The following ACBD6 variants were observed in gnomAD, a reference collection of about 807,000 sequenced individuals.
The protein encoded by ACBD6 is acyl-CoA binding domain containing 6.
A neutral mutation model predicts 37.2 loss-of-function variants in ACBD6; 28 were observed. The observed-to-expected ratio is 0.75, with a 90% CI of 0.56 to 1.03. The LOEUF is 1.03. Among genes scored for constraint, ACBD6 ranks in the 50% least tolerant of loss-of-function variants. The probability of loss-of-function intolerance (pLI) is 0.00; values close to 1 mark genes in which losing one functional copy is unlikely to be tolerated. For missense variants in ACBD6, 340 were observed against 337.4 expected (o/e 1.01, Z -0.06); for synonymous variants, 113 against 126.8 (o/e 0.89, Z 0.73).
chr1:180,310,029 A>G (rs1650526266), intron 7 of ACBD6, among the ~76,000 whole-genome samples: 1 of 152,174 alleles, frequency 6.6e-6, no homozygotes, highest in South Asian at 2.1e-4. Flanking sequence ...ATATAGACAC[A>G]TGGGTTTGAA....
In ACBD6 at chr1:180,312,639, T is replaced by G. The variant is rs542919721; in HGVS notation, c.694+2053A>C. Among the ~76,000 whole-genome samples, 4 of 152,352 alleles carry G rather than the reference T, an allele frequency of 2.6e-5. No homozygotes were observed. In the East Asian group the frequency reaches 7.7e-4, roughly 29 times the overall value. On this transcript the variant is annotated intron_variant, in intron 7 of 7. Transcript: ENST00000367595. ...TTGTTTCGGATTTTAAAGAAAATGC[T>G]TCACACATTCCATCTTTAATAATAA...
At chr1:180,309,037 T>C (rs1000237561) in intron 7 of ACBD6, among the ~76,000 whole-genome samples, 1 of 152,310 alleles carries the variant, frequency 6.6e-6, no homozygotes, top group Middle Eastern at 3.4e-3. Flanking sequence ...ATAAAAGGGT[T>C]TACAGAAAAA....
At chr1:180,500,407 T>C (rs1183564864) in intron 1 of ACBD6, among the ~76,000 whole-genome samples, 1 of 152,054 alleles carries the variant, frequency 6.6e-6, no homozygotes, top group African/African-American at 2.4e-5. Context: ...TTAAAGCAAA[T>C]GTTGGCGGGG....
intron 3 of ACBD6, among the ~76,000 whole-genome samples, chr1:180,431,357 G>A (rs976967642): frequency 1.3e-5 from 2 of 150,986 alleles, no homozygotes; most frequent in Admixed American, 1.3e-4. Flanking sequence ...AATCATAGAC[G>A]ACAACTATTA....
chr1:180,278,849 G>A (rs960467313), intron 9 of ACBD6: 11 of 150,754 alleles, frequency 7.3e-5, no homozygotes, highest in Non-Finnish European at 1.6e-4. Context: ...AAAAAAAAAA[G>A]ACCCACCCAT....
At chr1:180,435,298 G>C (rs1222826406) in intron 3 of ACBD6, 2 of 513,520 alleles carry the variant, frequency 3.9e-6, no homozygotes, top group Non-Finnish European at 7.3e-6. Context: ...GCCCAGGTTG[G>C]AGTGCAGTGG....
At chr1:180,376,357 ACATGAAAATAC>A (rs1653432542) in intron 6 of ACBD6, among the ~76,000 whole-genome samples, 1 of 152,186 alleles carries the variant, frequency 6.6e-6, no homozygotes, top group Admixed American at 6.5e-5. Context: ...ACCTCCAACA[ACATGAAAATAC>A]ATATGTACAA....
chr1:180,409,724 C>A (rs1647776273), intron 5 of ACBD6, among the ~76,000 whole-genome samples: 1 of 152,194 alleles, frequency 6.6e-6, no homozygotes, highest in Non-Finnish European at 1.5e-5. Context: ...CTCCCCCTCT[C>A]TTCAGGCTTC....
At chr1:180,273,862 C>T in intron 11 of ACBD6, 1 of 372,282 alleles carries the variant, frequency 2.7e-6, no homozygotes. Flanking sequence ...TCTGACCCAC[C>T]CAGCCTTAGG....
chr1:180,375,860 G>A (rs761660903), intron 6 of ACBD6, among the ~76,000 whole-genome samples: 2 of 152,092 alleles, frequency 1.3e-5, no homozygotes, highest in Non-Finnish European at 2.9e-5. Context: ...AAAAGTTCTT[G>A]CATGATGAAA....
intron 6 of ACBD6, among the ~76,000 whole-genome samples, chr1:180,386,078 G>A (rs1653836471): frequency 6.6e-6 from 1 of 152,192 alleles, no homozygotes; most frequent in South Asian, 2.1e-4. Flanking sequence ...GCTGAGGTTG[G>A]AGAATAGCTT....
chr1:180,295,618 A>G (rs1649888198), intron 7 of ACBD6, among the ~76,000 whole-genome samples: 1 of 152,002 alleles, frequency 6.6e-6, no homozygotes, highest in Admixed American at 6.6e-5. Flanking sequence ...TCTGTGTCAC[A>G]CTGTGGGGAT....
intron 3 of ACBD6, among the ~76,000 whole-genome samples, chr1:180,484,111 C>T (rs1427598159): frequency 6.6e-6 from 1 of 151,930 alleles, no homozygotes; most frequent in African/African-American, 2.4e-5. Context: ...TATTTACAAG[C>T]AAGGAAACCA....
chr1:180,377,530 AG>A (rs891581438), intron 6 of ACBD6, among the ~76,000 whole-genome samples: 1 of 152,250 alleles, frequency 6.6e-6, no homozygotes, highest in Non-Finnish European at 1.5e-5. Flanking sequence ...GGAAATAGCC[AG>A]TTCTTCCTTA....
rs574309437 is a variant in ACBD6 at position 180,439,289 on chromosome 1, T to G, written c.385-9027A>C. ...AACCTACCAAAGTGGAAGGCCCTAC[T>G]AAGACTGGGGAGGGGCCGGGTGTGG... On this transcript the variant is annotated intron_variant, in intron 3 of 7. Transcript: ENST00000367595. 4.6e-5 allele frequency among the ~76,000 whole-genome samples: 7 copies of G among 152,210 alleles called. No homozygotes were observed. The South Asian group carries it at 1.2e-3, about 27-fold the overall frequency.
At chr1:180,464,267 A>G (rs995179686) in intron 3 of ACBD6, among the ~76,000 whole-genome samples, 1 of 152,214 alleles carries the variant, frequency 6.6e-6, no homozygotes, top group Non-Finnish European at 1.5e-5. Context: ...TGCAGACGAC[A>G]TGATTCCATA....
chr1:180,361,064 C>G (rs1438475542), intron 6 of ACBD6, among the ~76,000 whole-genome samples: 2 of 152,108 alleles, frequency 1.3e-5, no homozygotes, highest in Non-Finnish European at 1.5e-5. Flanking sequence ...GGATTGTCCC[C>G]CCATTTGCTG....
Position 180,337,622 on chromosome 1 carries a change from C to T in ACBD6, c.664-22900G>A, listed in dbSNP as rs928560135. Among the ~76,000 whole-genome samples the T allele has an allele frequency of 1.2e-4, 18 of 152,324 alleles. 1 individual carries two copies. The highest frequency in any genetic ancestry group is 9.6e-4 in the East Asian group (5 of 5,182). ...ACAGGGATGCCCTCTCTCACCACTC[C>T]TATTCAACATAGTGTTGGAAGTTCT... On this transcript the variant is annotated intron_variant, in intron 6 of 7. Coordinates refer to ENST00000367595, the MANE Select transcript of ACBD6 (RefSeq NM_032360.4).
At chr1:180,303,688 C>T (rs1030673104) in intron 7 of ACBD6, among the ~76,000 whole-genome samples, 3 of 150,820 alleles carry the variant, frequency 2.0e-5, no homozygotes, top group African/African-American at 7.3e-5. Context: ...CAAGGAGGAG[C>T]TGGTACCATT....
Sources: allele counts gnomAD v4.1 joint callset (sites outside exome capture counted in the v4.1 genomes callset), GRCh38; gene constraint gnomAD v4.1.1; transcripts MANE v1.5; gene names NCBI Gene and HGNC (gene_info 2026-07-23, HGNC 2026-07-21).